L3MBTL4: variants seen among roughly 807,000 people sequenced by gnomAD.
L3MBTL4 encodes L3MBTL histone methyl-lysine binding protein 4, also known as lethal(3)malignant brain tumor-like protein 4.
L3MBTL4 carries 70 observed loss-of-function variants against 84.5 expected under a neutral mutation model. That is an observed-to-expected ratio of 0.83 (90% CI 0.68 to 1.01). L3MBTL4 has a LOEUF of 1.01. Among genes scored for constraint, L3MBTL4 ranks in the 50% least tolerant of loss-of-function variants. The pLI, the probability that L3MBTL4 is intolerant of heterozygous loss-of-function variation, is 0.00. For missense variants in L3MBTL4, 715 were observed against 754.8 expected (o/e 0.95, Z 0.62); for synonymous variants, 274 against 259.8 (o/e 1.05, Z -0.52).
intron 1 of L3MBTL4, among the ~76,000 whole-genome samples, chr18:6,374,990 T>C (rs1427168221): frequency 1.3e-5 from 2 of 152,142 alleles, no homozygotes; most frequent in East Asian, 1.9e-4. Flanking sequence ...TTCCCAATAG[T>C]ATGAAAAAAT....
At chr18:6,146,434 C>CAGCGAGTAGAGGA (rs2042654921) in intron 13 of L3MBTL4, among the ~76,000 whole-genome samples, 1 of 152,100 alleles carries the variant, frequency 6.6e-6, no homozygotes, top group African/African-American at 2.4e-5. Context: ...GCGAGGAACT[C>CAGCGAGTAGAGGA]AGCGAGTAGA....
chr18:6,167,443 A>T (rs1408642678), intron 13 of L3MBTL4, among the ~76,000 whole-genome samples: 1 of 152,222 alleles, frequency 6.6e-6, no homozygotes, highest in Admixed American at 6.5e-5. Flanking sequence ...ATACTGGCAA[A>T]GTGAATCCAG....
chr18:6,180,013 G>C (rs976246579), intron 12 of L3MBTL4, among the ~76,000 whole-genome samples: 6 of 152,140 alleles, frequency 3.9e-5, no homozygotes, highest in Admixed American at 2.0e-4. Flanking sequence ...ATGTTAAGAG[G>C]TTTGCCAAGA....
chr18:6,099,150 C>T (rs2058731594), intron 14 of L3MBTL4, among the ~76,000 whole-genome samples: 1 of 152,154 alleles, frequency 6.6e-6, no homozygotes, highest in Non-Finnish European at 1.5e-5. Context: ...CAATGCCTTC[C>T]CCACACGCTG....
chr18:6,316,948 A>G (rs1279429631), intron 1 of L3MBTL4, among the ~76,000 whole-genome samples: 2 of 152,160 alleles, frequency 1.3e-5, no homozygotes, highest in Non-Finnish European at 2.9e-5. Flanking sequence ...TACTTCCCAT[A>G]CTGGCCTGAA....
At chr18:6,205,448 T>C (rs559270759) in intron 12 of L3MBTL4, among the ~76,000 whole-genome samples, 100 of 152,358 alleles carry the variant, frequency 6.6e-4, no homozygotes, top group African/African-American at 2.2e-3. Flanking sequence ...CTGGGATACA[T>C]GTATATAACA....
intron 1 of L3MBTL4, among the ~76,000 whole-genome samples, chr18:6,390,727 G>GAGGA (rs1386334837): frequency 6.6e-6 from 1 of 152,146 alleles, no homozygotes. Context: ...AGAAAATCTA[G>GAGGA]AGGAAATGGA....
chr18:6,284,225 T>C (rs1443160014), intron 4 of L3MBTL4, among the ~76,000 whole-genome samples: 6 of 152,202 alleles, frequency 3.9e-5, no homozygotes, highest in African/African-American at 1.4e-4. Context: ...TTCTACAAAG[T>C]GAGCTACCAT....
rs560659094 is a variant in L3MBTL4 at position 6,192,735 on chromosome 18, G to A, written c.981+20414C>T. Among the ~76,000 whole-genome samples, 17 of 152,226 alleles carry A rather than the reference G, an allele frequency of 1.1e-4. No individual in the cohort carries two copies. The South Asian group carries it at 3.5e-3, about 32-fold the overall frequency. On this transcript the variant is annotated intron_variant, in intron 12 of 18. Transcript: ENST00000317931. ...ACTACGTTTTGCAGTTATGCAGGAGGACCAGTCAGGGGACTGTGTCTCTCT... is the reference window on the plus strand; with the variant it reads ...ACTACGTTTTGCAGTTATGCAGGAGAACCAGTCAGGGGACTGTGTCTCTCT...
chr18:6,029,704 A>G (rs2055687680), intron 16 of L3MBTL4: 1 of 985,054 alleles, frequency 1.0e-6, no homozygotes, highest in Non-Finnish European at 1.2e-6. Flanking sequence ...CACAAAGGGT[A>G]AAATTAAAAG....
chr18:6,193,291 A>T (rs75765376), intron 12 of L3MBTL4, among the ~76,000 whole-genome samples: 4,384 of 152,198 alleles, frequency 0.029, 86 homozygotes, highest in Middle Eastern at 0.061. Context: ...AACAGCTAAA[A>T]TAACCAAGCA....
At chr18:6,405,228 C>T (rs763201596) in intron 1 of L3MBTL4, among the ~76,000 whole-genome samples, 5 of 152,164 alleles carry the variant, frequency 3.3e-5, no homozygotes, top group Non-Finnish European at 5.9e-5. Context: ...GCAGTGGCCA[C>T]GTAAACAATA....
chr18:6,408,928 C>T (rs1340226108), intron 1 of L3MBTL4, among the ~76,000 whole-genome samples: 2 of 152,126 alleles, frequency 1.3e-5, no homozygotes, highest in East Asian at 3.9e-4. Context: ...CCACCCTCCT[C>T]GGCCTCCCAA....
At chr18:6,371,695 A>T (rs1349459469) in intron 1 of L3MBTL4, among the ~76,000 whole-genome samples, 1 of 152,228 alleles carries the variant, frequency 6.6e-6, no homozygotes, top group African/African-American at 2.4e-5. Context: ...AACTTTCCTA[A>T]TTTAGCTACA....
At chr18:6,239,954 T>A (rs1158518117) in intron 8 of L3MBTL4, 82 bp from the exon 9 acceptor site, 2 of 1,458,134 alleles carry the variant, frequency 1.4e-6, no homozygotes, top group Non-Finnish European at 1.9e-6. Context: ...AACTTCTATG[T>A]TTAGCAACAG....
chr18:6,403,391 C>T (rs533249394), intron 1 of L3MBTL4, among the ~76,000 whole-genome samples: 1 of 152,290 alleles, frequency 6.6e-6, no homozygotes, highest in Admixed American at 6.5e-5. Context: ...TCTCCCTCCC[C>T]GATGTAGTCC....
chr18:6,268,399 C>T (rs1483082449), intron 4 of L3MBTL4, among the ~76,000 whole-genome samples: 1 of 151,750 alleles, frequency 6.6e-6, no homozygotes, highest in Non-Finnish European at 1.5e-5. Context: ...AAGAACAAAA[C>T]TCTGTCTCAA....
chr18:6,021,832 T>C (rs931563052), intron 16 of L3MBTL4, among the ~76,000 whole-genome samples: 12 of 152,220 alleles, frequency 7.9e-5, no homozygotes, highest in African/African-American at 2.9e-4. Context: ...CTCTCTCCTC[T>C]CCAAGGCACT....
At chr18:6,188,294 T>C (rs1039215481) in intron 12 of L3MBTL4, among the ~76,000 whole-genome samples, 1 of 150,214 alleles carries the variant, frequency 6.7e-6, no homozygotes, top group South Asian at 2.1e-4. Context: ...TGTAATTATA[T>C]AAAAATTTAT....
Sources: gnomAD v4.1 joint callset for allele counts (sites outside exome capture counted in the v4.1 genomes callset) on GRCh38, gnomAD v4.1.1 for gene constraint, MANE v1.5 for transcripts, NCBI Gene and HGNC (gene_info 2026-07-23, HGNC 2026-07-21) for gene names.